The following DPF3 variants were observed in gnomAD, a reference collection of about 807,000 sequenced individuals.
DPF3 encodes the protein zinc finger protein DPF3.
Under a neutral mutation model 56.8 loss-of-function variants are expected in DPF3, and 18 were observed. The ratio of observed to expected loss-of-function variants is 0.32; its 90% CI spans 0.22 to 0.47. The LOEUF (loss-of-function observed/expected upper bound fraction) is 0.47. Ranked by LOEUF, DPF3 falls within the 20% of genes least tolerant of loss-of-function variation. The probability of loss-of-function intolerance (pLI) is 1.00; values close to 1 mark genes in which losing one functional copy is unlikely to be tolerated. For synonymous variants in DPF3, 188 were observed against 180.2 expected (o/e 1.04, Z -0.35); for missense variants, 403 against 488.8 (o/e 0.82, Z 1.65).
chr14:72,823,825 C>A (rs1259352269), intron 1 of DPF3, among the ~76,000 whole-genome samples: 1 of 152,162 alleles, frequency 6.6e-6, no homozygotes, highest in African/African-American at 2.4e-5. Context: ...ATCTATGGGA[C>A]AGGCACCCAG....
intron 3 of DPF3, among the ~76,000 whole-genome samples, chr14:72,742,001 C>T (rs1191221274): frequency 4.6e-5 from 7 of 152,242 alleles, no homozygotes; most frequent in South Asian, 4.1e-4. Flanking sequence ...CTGGGGAACA[C>T]GAGCAGAGCT....
At chr14:72,821,992 G>A (rs187830940) in intron 1 of DPF3, among the ~76,000 whole-genome samples, 1 of 152,098 alleles carries the variant, frequency 6.6e-6, no homozygotes, top group East Asian at 1.9e-4. Context: ...GGGTGACAGA[G>A]TGAGATCTTG....
intron 8 of DPF3, among the ~76,000 whole-genome samples, chr14:72,632,534 A>G (rs992400862): frequency 6.6e-6 from 1 of 151,790 alleles, no homozygotes; most frequent in African/African-American, 2.4e-5. Flanking sequence ...CAAATAAAAA[A>G]TTAAATCATC....
At chr14:72,658,087 G>C (rs942547002) in intron 8 of DPF3, among the ~76,000 whole-genome samples, 2 of 152,104 alleles carry the variant, frequency 1.3e-5, no homozygotes, top group Non-Finnish European at 1.5e-5. Context: ...CTATTTGATG[G>C]CACAGTAGGG....
chr14:72,788,495 A>T (rs982522917), intron 1 of DPF3, among the ~76,000 whole-genome samples: 1 of 152,166 alleles, frequency 6.6e-6, no homozygotes, highest in Admixed American at 6.5e-5. Context: ...CCCCACAGCC[A>T]TCAATATCTC....
At chr14:72,769,798 T>C (rs1891446437) in intron 2 of DPF3, among the ~76,000 whole-genome samples, 1 of 152,102 alleles carries the variant, frequency 6.6e-6, no homozygotes, top group Non-Finnish European at 1.5e-5. Flanking sequence ...TCAAATATGT[T>C]TAAATCTGTG....
intron 1 of DPF3, among the ~76,000 whole-genome samples, chr14:72,785,927 TA>T (rs113219701): frequency 2.0e-4 from 31 of 152,326 alleles, no homozygotes; most frequent in African/African-American, 6.7e-4. Flanking sequence ...CCCAGAATGT[TA>T]GACACTGTCT....
intron 1 of DPF3, among the ~76,000 whole-genome samples, chr14:72,871,816 A>T (rs1259803334): frequency 6.6e-6 from 1 of 152,156 alleles, no homozygotes; most frequent in Non-Finnish European, 1.5e-5. Context: ...TAGTGGATCT[A>T]CCATTCTGGA....
intron 1 of DPF3, among the ~76,000 whole-genome samples, chr14:72,810,665 T>C (rs1232856737): frequency 6.6e-6 from 1 of 151,842 alleles, no homozygotes; most frequent in Non-Finnish European, 1.5e-5. Flanking sequence ...CAGTAGAAAA[T>C]AGGGTCCCCC....
At chr14:72,861,731 AAGAAAG>A (rs1381480460) in intron 1 of DPF3, among the ~76,000 whole-genome samples, 3 of 78,396 alleles carry the variant, frequency 3.8e-5, no homozygotes, top group South Asian at 4.5e-4. Flanking sequence ...GAGAGAAAGA[AAGAAAG>A]AGAAAGAAAG....
chr14:72,889,975 C>A (rs1199744059), intron 1 of DPF3, among the ~76,000 whole-genome samples: 1 of 152,082 alleles, frequency 6.6e-6, no homozygotes, highest in Non-Finnish European at 1.5e-5. Flanking sequence ...CCTGTTGGTT[C>A]ATATGGAATT....
intron 7 of DPF3, among the ~76,000 whole-genome samples, chr14:72,683,480 A>T (rs1887258543): frequency 6.6e-6 from 1 of 151,612 alleles, no homozygotes; most frequent in Admixed American, 6.6e-5. Flanking sequence ...AATTGGTGTG[A>T]CAGTCATGTC....
intron 2 of DPF3, among the ~76,000 whole-genome samples, chr14:72,762,610 T>G (rs752210477): frequency 2.7e-4 from 41 of 150,984 alleles, no homozygotes; most frequent in Non-Finnish European, 4.7e-4. Context: ...ATAAAGAATA[T>G]CTACAAAAAA....
intron 1 of DPF3, among the ~76,000 whole-genome samples, chr14:72,812,157 A>C (rs1444930501): frequency 6.6e-6 from 1 of 152,040 alleles, no homozygotes; most frequent in African/African-American, 2.4e-5. Flanking sequence ...ATGAGATACC[A>C]GTGTAGTCCC....
intron 8 of DPF3, chr14:72,670,056 T>C (rs1330327929): frequency 1.0e-6 from 1 of 985,760 alleles, no homozygotes; most frequent in African/African-American, 1.7e-5. Context: ...TTGGTTTATT[T>C]CAGGAAGTGC....
chr14:72,842,624 C>T (rs1255618356), intron 1 of DPF3, among the ~76,000 whole-genome samples: 5 of 152,156 alleles, frequency 3.3e-5, no homozygotes, highest in Non-Finnish European at 5.9e-5. Context: ...GTGACACAAG[C>T]ATGCTCAACT....
Position 72,731,939 on chromosome 14 carries a change from AAAAC to A in DPF3, c.302-9_302-6del, listed in dbSNP as rs1889672104. On this transcript the variant is annotated splice_polypyrimidine_tract_variant and splice_region_variant and intron_variant, in intron 3 of 10. Transcript: ENST00000556509. ...TCTTCAGGGGAAGCTCCACTTCTGA[AAAAC>A]AAAGATAGAAAGGCAGGTCAGGCCA... 2 of 1,575,436 alleles carry A rather than the reference AAAAC, an allele frequency of 1.3e-6. No individual in the cohort carries two copies. The highest frequency in any genetic ancestry group is 2.7e-5 in the African/African-American group (2 of 73,866).
At chr14:72,872,073 T>C (rs775036852) in intron 1 of DPF3, among the ~76,000 whole-genome samples, 1 of 152,194 alleles carries the variant, frequency 6.6e-6, no homozygotes, top group Non-Finnish European at 1.5e-5. Flanking sequence ...CAACACCACA[T>C]AGAAGCTGCC....
At chr14:72,767,760 C>CACA (rs1555505002) in intron 2 of DPF3, among the ~76,000 whole-genome samples, 7 of 72,522 alleles carry the variant, frequency 9.7e-5, no homozygotes, top group African/African-American at 4.4e-4. Flanking sequence ...CCAAATTTGG[C>CACA]AAAAAAAAAA....
Sources: gnomAD v4.1 joint callset for allele counts (sites outside exome capture counted in the v4.1 genomes callset) on GRCh38, gnomAD v4.1.1 for gene constraint, MANE v1.5 for transcripts, NCBI Gene and HGNC (gene_info 2026-07-23, HGNC 2026-07-21) for gene names.